FERRY3: variants seen among roughly 807,000 people sequenced by gnomAD.
FERRY3 encodes the protein FERRY endosomal RAB5 effector complex subunit 3, also known as protein C12orf4.
At chr12:4,521,808 ATG>A in the FERRY3 span, among the ~76,000 whole-genome samples, 1 of 152,216 alleles carries the variant, frequency 6.6e-6, no homozygotes, top group Admixed American at 6.5e-5. Context: ...CATGACCTAT[ATG>A]TGAAACCTAA....
At chr12:4,510,444 C>T in the FERRY3 span, among the ~76,000 whole-genome samples, 1 of 121,670 alleles carries the variant, frequency 8.2e-6, no homozygotes, top group Non-Finnish European at 1.7e-5. Flanking sequence ...ACATAATTGT[C>T]AGATTCACCA....
chr12:4,532,851 C>A, the FERRY3 span, among the ~76,000 whole-genome samples: 2 of 152,162 alleles, frequency 1.3e-5, no homozygotes, highest in Non-Finnish European at 2.9e-5. Flanking sequence ...CCTTATATTA[C>A]CCACCTAACA....
At chr12:4,511,598 C>T in the FERRY3 span, among the ~76,000 whole-genome samples, 1 of 149,646 alleles carries the variant, frequency 6.7e-6, no homozygotes, top group Non-Finnish European at 1.5e-5. Flanking sequence ...CTCAAAGCCG[C>T]TCAACTACAT....
chr12:4,529,408 T>C, the FERRY3 span, among the ~76,000 whole-genome samples: 1 of 152,176 alleles, frequency 6.6e-6, no homozygotes, highest in African/African-American at 2.4e-5. Flanking sequence ...GACAGAATGG[T>C]ACAGTGGTTA....
the FERRY3 span, chr12:4,534,109 C>T: frequency 3.3e-4 from 491 of 1,504,568 alleles, 2 homozygotes; most frequent in African/African-American, 6.2e-3. Context: ...AAATTTTCAC[C>T]AAAATCCAGA....
chr12:4,530,670 T>C, the FERRY3 span, among the ~76,000 whole-genome samples: 3 of 152,214 alleles, frequency 2.0e-5, no homozygotes, highest in Admixed American at 2.0e-4. Flanking sequence ...ATTTTCTTTT[T>C]AAAATATCAG....
At chr12:4,492,076 G>C in the FERRY3 span, among the ~76,000 whole-genome samples, 1 of 151,980 alleles carries the variant, frequency 6.6e-6, no homozygotes, top group Non-Finnish European at 1.5e-5. Flanking sequence ...AATCACTGAG[G>C]ATTCCAATGA....
At chr12:4,510,919 T>G in the FERRY3 span, among the ~76,000 whole-genome samples, 332 of 152,044 alleles carry the variant, frequency 2.2e-3, 3 homozygotes, top group Admixed American at 4.6e-3. Context: ...TGGACTAAAT[T>G]CTCCAATTAA....
At chr12:4,500,265 A>C in the FERRY3 span, 1 of 1,614,100 alleles carries the variant, frequency 6.2e-7, no homozygotes, top group Non-Finnish European at 8.5e-7. Context: ...TCCCGATTTC[A>C]CATGGTCATC....
At chr12:4,492,796 C>T in the FERRY3 span, among the ~76,000 whole-genome samples, 1 of 152,152 alleles carries the variant, frequency 6.6e-6, no homozygotes, top group East Asian at 1.9e-4. Flanking sequence ...TATTATACTC[C>T]TGTTTTAAGA....
chr12:4,507,233 G>A, the FERRY3 span, among the ~76,000 whole-genome samples: 1 of 152,118 alleles, frequency 6.6e-6, no homozygotes, highest in Non-Finnish European at 1.5e-5. Context: ...GTTTGTACGA[G>A]AAGAAGGAAG....
the FERRY3 span, chr12:4,525,428 CAAAA>C: frequency 3.1e-6 from 5 of 1,594,618 alleles, no homozygotes; most frequent in African/African-American, 1.4e-5. Context: ...AACAAACAAA[CAAAA>C]AAACAAAAGA....
chr12:4,527,755 A>C, the FERRY3 span, among the ~76,000 whole-genome samples: 1 of 152,148 alleles, frequency 6.6e-6, no homozygotes, highest in Non-Finnish European at 1.5e-5. Flanking sequence ...GACAGGTTAA[A>C]AATAAATTAC....
chr12:4,509,530 C>T, the FERRY3 span, among the ~76,000 whole-genome samples: 3 of 149,232 alleles, frequency 2.0e-5, no homozygotes, highest in Non-Finnish European at 4.4e-5. Context: ...ACTGGTTCTC[C>T]CAGCACGCGG....
At chr12:4,502,490 T>C in the FERRY3 span, 2 of 427,750 alleles carry the variant, frequency 4.7e-6, no homozygotes, top group South Asian at 1.7e-5. This position sits in a 1 kb window ranked among gnomAD's most constrained non-coding sequence, Gnocchi z 4.2. Flanking sequence ...TTCCTATCAA[T>C]ATAAAGAAAT....
At chr12:4,498,492 T>A in the FERRY3 span, among the ~76,000 whole-genome samples, 1 of 152,180 alleles carries the variant, frequency 6.6e-6, no homozygotes, top group Non-Finnish European at 1.5e-5. Context: ...CAGAAGTGAA[T>A]GGAATGAGAA....
At chr12:4,509,770 A>G in the FERRY3 span, among the ~76,000 whole-genome samples, 1 of 140,856 alleles carries the variant, frequency 7.1e-6, no homozygotes, top group Non-Finnish European at 1.5e-5. Flanking sequence ...TCAAAGACCA[A>G]AAGTAGATAA....
chr12:4,524,335 A>G, the FERRY3 span, among the ~76,000 whole-genome samples: 1 of 152,000 alleles, frequency 6.6e-6, no homozygotes, highest in Non-Finnish European at 1.5e-5. Context: ...AGTTTGGGGA[A>G]AACAGTAAGG....
chr12:4,508,398 A>C, the FERRY3 span, among the ~76,000 whole-genome samples: 1 of 152,230 alleles, frequency 6.6e-6, no homozygotes, highest in African/African-American at 2.4e-5. Flanking sequence ...CCCCAATTTT[A>C]AAGCTTACCA....
Sources: allele counts gnomAD v4.1 joint callset (sites outside exome capture counted in the v4.1 genomes callset), GRCh38; gene constraint gnomAD v4.1.1; non-coding constraint Gnocchi (gnomAD v3.1); transcripts MANE v1.5; gene names NCBI Gene and HGNC (gene_info 2026-07-23, HGNC 2026-07-21).